The following SMARCE1 variants were observed in gnomAD, a reference collection of about 807,000 sequenced individuals.
SMARCE1 encodes SWI/SNF-related matrix-associated actin-dependent regulator of chromatin subfamily E member 1.
Under a neutral mutation model 54.9 loss-of-function variants are expected in SMARCE1, and 13 were observed. The observed-to-expected ratio is 0.24, with a 90% CI of 0.15 to 0.38. The LOEUF (loss-of-function observed/expected upper bound fraction) is 0.38. Ranked by LOEUF, SMARCE1 falls within the 10% of genes least tolerant of loss-of-function variation. SMARCE1 has a pLI of 1.00. For missense variants in SMARCE1, 295 were observed against 523.8 expected, an observed-to-expected ratio of 0.56 and a Z score of 4.26; for synonymous variants, 151 against 175.3, an observed-to-expected ratio of 0.86 and a Z score of 1.10.
chr17:40,630,539 T>C, intron 10 of SMARCE1, 175 bp downstream of exon 10: 1 of 656,386 alleles, frequency 1.5e-6, no homozygotes, highest in Non-Finnish European at 2.7e-6. Flanking sequence ...TCTTGATAAA[T>C]AATGTAAGCA....
In SMARCE1 at chr17:40,636,440, A is replaced by G. The variant is rs1597746306; in HGVS notation, c.324T>C (p.Thr108=). ...TTAAATATTCTTGTTTTTCTTCATCAGTGAGATCTCGCCACATGCCACCAA... is the reference window on the plus strand; with the variant it reads ...TTAAATATTCTTGTTTTTCTTCATCGGTGAGATCTCGCCACATGCCACCAA... ...KIIGGMWRDL[T]DEEKQEYLNE... is the part of the protein sequence containing the mutation. The change falls in exon 6 of 11, where the codon ACT becomes ACC. Residue 108 remains threonine, a synonymous_variant. Transcript: ENST00000348513. The G allele has an allele frequency of 6.2e-7, 1 of 1,612,586 alleles. No homozygotes were observed. The highest frequency in any genetic ancestry group is 8.5e-7 in the Non-Finnish European group (1 of 1,179,502).
intron 10 of SMARCE1, chr17:40,630,399 A>C (rs2037080925): frequency 7.6e-6 from 5 of 661,336 alleles, no homozygotes; most frequent in Non-Finnish European, 1.4e-5. Flanking sequence ...GTATGTAAAC[A>C]AACAAGTGTG....
In SMARCE1 at chr17:40,630,716, G is replaced by A; in HGVS notation, c.1025C>T (p.Thr342Ile). 4 of 1,613,420 alleles carry A rather than the reference G, an allele frequency of 2.5e-6. No homozygotes were observed. Among genetic ancestry groups the A allele is most frequent in the Non-Finnish European group, 3.4e-6 (4 of 1,179,378 alleles). The change falls in exon 10 of 11, where the codon ACA (threonine) becomes ATA (isoleucine). Residue 342 changes from threonine to isoleucine, a missense_variant and splice_region_variant. Thr to Ile is a moderately conservative substitution (Grantham distance 89, BLOSUM62 -1). Coordinates refer to ENST00000348513, the MANE Select transcript of SMARCE1 (RefSeq NM_003079.5). ...KKDDENIPMETEETHLEETTE... is the reference protein window; with the variant it reads ...KKDDENIPMEIEETHLEETTE... ...TGCGTTTGTTGCTAGTGGGTTACCT[G>A]TCTCCATCGGAATGTTCTCGTCGTC...
intron 3 of SMARCE1, 25 bp downstream of exon 3, chr17:40,645,551 C>T (rs745725687): frequency 1.3e-6 from 2 of 1,529,154 alleles, no homozygotes; most frequent in Non-Finnish European, 1.8e-6. Flanking sequence ...TTGGCTATTA[C>T]ATTAACAAGA....
rs2037207952 is a variant in SMARCE1 at position 40,642,373 on chromosome 17, T to C, written c.156+82A>G. ...AATTTTTTTTAAATGGCTGTGCTTA[T>C]GATTCAAAAAGACCTAATTCTGAAG... On this transcript the variant is annotated intron_variant, in intron 4 of 10. Transcript: ENST00000348513. The surrounding 1 kb of genome is among the most constrained non-coding windows in gnomAD (Gnocchi z 4.6). 1.1e-6 allele frequency: 1 copy of C among 923,346 alleles called. No individual in the cohort carries two copies. Among genetic ancestry groups the C allele is most frequent in the Non-Finnish European group, 1.8e-6 (1 of 549,628 alleles). 57.2% of individuals were successfully genotyped at this position (923,346 alleles called of 1,614,324 possible).
intron 6 of SMARCE1, 146 bp from the exon 7 acceptor site, chr17:40,636,248 G>A: frequency 8.6e-7 from 1 of 1,157,190 alleles, no homozygotes. Flanking sequence ...GAAATCTGAG[G>A]CCTTGAGAAA....
In SMARCE1 at chr17:40,628,713, G is replaced by GT. The variant is rs1228495008; in HGVS notation, c.*71dup. 7.9e-6 allele frequency: 10 copies of GT among 1,261,358 alleles called. No individual in the cohort carries two copies. The highest frequency in any genetic ancestry group is 1.5e-5 in the African/African-American group (1 of 67,554). The allele number at this position is 1,261,358 out of a possible 1,614,324, so 78.1% of individuals were successfully genotyped here. ...GAAAAAAAATTAATACACAAACCAC[G>GT]TAACACCATTAAAACCAAAAAACAT... On this transcript the variant is annotated 3_prime_UTR_variant, in exon 11 of 11. Transcript: ENST00000348513.
chr17:40,628,728 C>A lies in SMARCE1; in HGVS notation c.*57G>T. ...CACAAACCACGTAACACCATTAAAA[C>A]CAAAAAACATTTTTTCATTAAAAAA... On this transcript the variant is annotated 3_prime_UTR_variant, in exon 11 of 11. Coordinates refer to ENST00000348513, the MANE Select transcript of SMARCE1 (RefSeq NM_003079.5). 6.8e-7 allele frequency: 1 copy of A among 1,464,858 alleles called. No homozygotes were observed. Among genetic ancestry groups the A allele is most frequent in the Non-Finnish European group, 9.5e-7 (1 of 1,052,630 alleles). The allele number at this position is 1,464,858 out of a possible 1,614,324, so 90.7% of individuals were successfully genotyped here. A position where few individuals can be genotyped will look rare whatever the true frequency, so the allele number is the denominator to read the frequency against.
Position 40,637,488 on chromosome 17 carries a change from C to T in SMARCE1, c.237+4G>A, listed in dbSNP as rs2037158242. Reference sequence around the variant, plus strand: ...TCACTCCTTACCAGGTCCTAAGCACCTACCTTTCTGCTGTACCTCATGTAG... The same window carrying T: ...TCACTCCTTACCAGGTCCTAAGCACTTACCTTTCTGCTGTACCTCATGTAG... On this transcript the variant is annotated splice_donor_region_variant and intron_variant, in intron 5 of 10. Transcript: ENST00000348513. The T allele has an allele frequency of 1.9e-6, 3 of 1,611,502 alleles. No individual in the cohort carries two copies. Among genetic ancestry groups the T allele is most frequent in the Non-Finnish European group, 2.5e-6 (3 of 1,177,706 alleles).
At chr17:40,637,824 A>G in intron 4 of SMARCE1, 1 of 478,376 alleles carries the variant, frequency 2.1e-6, no homozygotes, top group Non-Finnish European at 3.8e-6. Context: ...CAAATAAAAT[A>G]TTACACAGTA....
chr17:40,637,580 A>C lies in SMARCE1; in HGVS notation c.157-8T>G, dbSNP rs1476117652. The C allele has an allele frequency of 6.2e-7, 1 of 1,608,740 alleles. No homozygotes were observed. Among genetic ancestry groups the C allele is most frequent in the Non-Finnish European group, 8.5e-7 (1 of 1,175,386 alleles). On this transcript the variant is annotated splice_polypyrimidine_tract_variant and splice_region_variant and intron_variant, in intron 4 of 10. Coordinates refer to ENST00000348513, the MANE Select transcript of SMARCE1 (RefSeq NM_003079.5). ...CGTGATACCAGAGGATGCCTACGAA[A>C]GAGTTAAATACATTCATTATTCAAC...
intron 10 of SMARCE1, chr17:40,630,334 G>A (rs566410415): frequency 7.0e-5 from 59 of 843,202 alleles, no homozygotes; most frequent in Non-Finnish European, 1.0e-4. Context: ...AGGCCAGGCA[G>A]TTGTTGTTGC....
chr17:40,631,846 AT>A (rs372631618), intron 8 of SMARCE1, 153 bp from the exon 9 acceptor site: 227 of 582,540 alleles, frequency 3.9e-4, no homozygotes, highest in African/African-American at 3.8e-3. Context: ...CAAAGAAATG[AT>A]TATGATCAAT....
Position 40,636,387 on chromosome 17 carries a change from T to C in SMARCE1, c.369+8A>G, listed in dbSNP as rs2143997205. ...CATTATCTATCCCACTGTGAGCCCC[T>C]ACCCTACCTTTTCTGCTTCGTATTC... On this transcript the variant is annotated splice_region_variant and intron_variant, in intron 6 of 10. Coordinates refer to ENST00000348513, the MANE Select transcript of SMARCE1 (RefSeq NM_003079.5). 1.9e-6 allele frequency: 3 copies of C among 1,610,448 alleles called. No individual in the cohort carries two copies. The highest frequency in any genetic ancestry group is 2.5e-6 in the Non-Finnish European group (3 of 1,178,438).
In SMARCE1 at chr17:40,630,213, G is replaced by A. The variant is rs1169860972; in HGVS notation, c.1027+501C>T. 2.1e-6 allele frequency: 3 copies of A among 1,461,682 alleles called. No homozygotes were observed. The East Asian group carries it at 7.3e-5, about 35-fold the overall frequency. 90.5% of individuals were successfully genotyped at this position (1,461,682 alleles called of 1,614,324 possible). A position where few individuals can be genotyped will look rare whatever the true frequency, so the allele number is the denominator to read the frequency against. ...TTATTATTATTATTTTTTACCTTGA[G>A]GGATGCTTTTAATCAGGAAAATCAG... is the stretch of plus-strand genomic sequence containing the variant. On this transcript the variant is annotated intron_variant, in intron 10 of 10. Transcript: ENST00000348513.
At chr17:40,646,266 C>T (rs2037255536) in intron 1 of SMARCE1, among the ~76,000 whole-genome samples, 1 of 152,150 alleles carries the variant, frequency 6.6e-6, no homozygotes, top group South Asian at 2.1e-4. Flanking sequence ...TTTGGGATAA[C>T]AATTTTTATT....
At position 40,642,694 on chromosome 17, in the gene SMARCE1, TTC is replaced by T; in HGVS notation, c.52-137_52-136del. 6.7e-6 allele frequency: 4 copies of T among 596,930 alleles called. No homozygotes were observed. The highest frequency in any genetic ancestry group is 9.1e-4 in the Middle Eastern group (2 of 2,202). The allele number at this position is 596,930 out of a possible 1,614,324, so 37.0% of individuals were successfully genotyped here. On this transcript the variant is annotated intron_variant, in intron 3 of 10. Transcript: ENST00000348513. The surrounding 1 kb of genome is among the most constrained non-coding windows in gnomAD (Gnocchi z 4.6). Reference sequence around the variant, plus strand: ...AACAAGCAATGATGTGTTGTAATTGTTCTTTTTTTCCACTGAGGAAATTAAAT... The same window carrying T: ...AACAAGCAATGATGTGTTGTAATTGTTTTTTTTCCACTGAGGAAATTAAAT...
At chr17:40,636,153 A>C in intron 6 of SMARCE1, 51 bp from the exon 7 acceptor site, 1 of 1,406,870 alleles carries the variant, frequency 7.1e-7, no homozygotes, top group Admixed American at 1.9e-5. Context: ...GCAGGTTATA[A>C]TGCAGACCTA....
In SMARCE1 at chr17:40,628,530, CA is replaced by C; in HGVS notation, c.*254del. 2 of 414,282 alleles carry C rather than the reference CA, an allele frequency of 4.8e-6. No homozygotes were observed. Among genetic ancestry groups the C allele is most frequent in the South Asian group, 5.6e-5 (2 of 35,934 alleles). The allele number at this position is 414,282 out of a possible 1,614,324, so 25.7% of individuals were successfully genotyped here. ...TCTCTAAAAGAGGTGGGTGTTTTCTCAATTAATCTAAATTCTGAGGCTTTCA... is the reference window on the plus strand; with the variant it reads ...TCTCTAAAAGAGGTGGGTGTTTTCTCATTAATCTAAATTCTGAGGCTTTCA... On this transcript the variant is annotated 3_prime_UTR_variant, in exon 11 of 11. Transcript: ENST00000348513.
Sources: allele counts gnomAD v4.1 joint callset (sites outside exome capture counted in the v4.1 genomes callset), GRCh38; gene constraint gnomAD v4.1.1; non-coding constraint Gnocchi (gnomAD v3.1); transcripts MANE v1.5; gene names NCBI Gene and HGNC (gene_info 2026-07-23, HGNC 2026-07-21).